The following FER1L5 variants were observed in gnomAD, a reference collection of about 807,000 sequenced individuals.
The protein encoded by FER1L5 is fer-1-like protein 5.
FER1L5 carries 187 observed loss-of-function variants against 279.9 expected under a neutral mutation model. The observed-to-expected ratio is 0.67, with a 90% CI of 0.59 to 0.75. The LOEUF is 0.75. Ranked by LOEUF, FER1L5 falls within the 30% of genes least tolerant of loss-of-function variation. The pLI, the probability that FER1L5 is intolerant of heterozygous loss-of-function variation, is 0.00. For synonymous variants in FER1L5, 921 were observed against 989.7 expected, an observed-to-expected ratio of 0.93 and a Z score of 1.30; for missense variants, 2,091 against 2,594.4, an observed-to-expected ratio of 0.81 and a Z score of 4.21.
intron 1 of FER1L5, among the ~76,000 whole-genome samples, chr2:96,643,390 C>T (rs1042538097): frequency 6.6e-6 from 1 of 152,120 alleles, no homozygotes; most frequent in Non-Finnish European, 1.5e-5. Flanking sequence ...CACTCTGTCA[C>T]CCAGGCTACA....
At position 96,701,836 on chromosome 2, in the gene FER1L5, C is replaced by T. The variant is rs2077596724; in HGVS notation, c.5071-119C>T. The T allele has an allele frequency of 6.9e-6, 6 of 868,338 alleles. No homozygotes were observed. In the Admixed American group the frequency reaches 9.4e-5, roughly 14 times the overall value. 53.8% of individuals were successfully genotyped at this position (868,338 alleles called of 1,614,324 possible). ...CCTCACAGATATCTCTGTACCCCACCCCTCGGTGTTGGGAACACAACCTCA... is the reference window on the plus strand; with the variant it reads ...CCTCACAGATATCTCTGTACCCCACTCCTCGGTGTTGGGAACACAACCTCA... On this transcript the variant is annotated intron_variant, in intron 45 of 52. Coordinates refer to ENST00000624922, the MANE Select transcript of FER1L5 (RefSeq NM_001293083.2).
Position 96,694,624 on chromosome 2 carries a change from G to GT in FER1L5, c.3741+162dup. 3 of 546,136 alleles carry GT rather than the reference G, an allele frequency of 5.5e-6. No homozygotes were observed. In the South Asian group the frequency reaches 1.1e-4, roughly 20 times the overall value. 33.8% of individuals were successfully genotyped at this position (546,136 alleles called of 1,614,324 possible). A position where few individuals can be genotyped will look rare whatever the true frequency, so the allele number is the denominator to read the frequency against. The stretch of plus-strand genomic sequence containing the variant: ...AGGGAGACAGGAGAGAAACGAAGAG[G>GT]TTCTGGTGTAACACTGGAAATCATT... On this transcript the variant is annotated intron_variant, in intron 34 of 52. Transcript: ENST00000624922. This position sits in a 1 kb window ranked among gnomAD's most constrained non-coding sequence, Gnocchi z 4.6.
intron 7 of FER1L5, 163 bp downstream of exon 7, chr2:96,652,183 T>A: frequency 1.0e-6 from 1 of 994,744 alleles, no homozygotes; most frequent in Non-Finnish European, 1.5e-6. Flanking sequence ...TACAGAACAG[T>A]ATAACTCAGA....
At chr2:96,678,420 T>C (rs545839394) in intron 19 of FER1L5, among the ~76,000 whole-genome samples, 87 of 150,414 alleles carry the variant, frequency 5.8e-4, no homozygotes, top group Middle Eastern at 3.4e-3. Flanking sequence ...TGTGAGCCAC[T>C]GCACTCAGCC....
rs2077061241 is a variant in FER1L5, at chr2:96,689,562, TG to T, written c.2526-79del. On this transcript the variant is annotated intron_variant, in intron 25 of 52. Coordinates refer to ENST00000624922, the MANE Select transcript of FER1L5 (RefSeq NM_001293083.2). The surrounding 1 kb of genome is among the most constrained non-coding windows in gnomAD (Gnocchi z 4.6). Reference sequence around the variant, plus strand: ...GCAGGTGGGGATGGGATGCCAGGTATGGGAACGCTTGGCCAGCAGAAGACGG... The same window carrying T: ...GCAGGTGGGGATGGGATGCCAGGTATGGAACGCTTGGCCAGCAGAAGACGG... The T allele has an allele frequency of 6.3e-6, 9 of 1,438,558 alleles. No individual in the cohort carries two copies. In the South Asian group the frequency reaches 9.8e-5, roughly 16 times the overall value. 89.1% of individuals were successfully genotyped at this position (1,438,558 alleles called of 1,614,324 possible).
At position 96,659,489 on chromosome 2, in the gene FER1L5, CTTTCTTTCTTTCTTTCTTTCG is replaced by C. The variant is rs1558855606; in HGVS notation, c.748-851_748-831del. Among the ~76,000 whole-genome samples the C allele has an allele frequency of 3.2e-4, 12 of 37,410 alleles. 1 individual carries two copies. Among genetic ancestry groups the C allele is most frequent in the African/African-American group, 2.8e-3 (12 of 4,212 alleles). The allele number at this position is 37,410 out of a possible 152,430, so 24.5% of individuals were successfully genotyped here. On this transcript the variant is annotated intron_variant, in intron 9 of 52. Transcript: ENST00000624922. ...TCTTTCTTTCTTTCTTTCTTTCTTT[CTTTCTTTCTTTCTTTCTTTCG>C]AGACAGAGTCTCGCTCTGTCGCCCA...
chr2:96,648,982 AGTGGGT>A (rs929738536), intron 4 of FER1L5, among the ~76,000 whole-genome samples: 6 of 131,560 alleles, frequency 4.6e-5, no homozygotes, highest in Non-Finnish European at 9.5e-5. Context: ...AGGGGCATAA[AGTGGGT>A]GGAGCAGGAG....
At chr2:96,679,671 A>G (rs1212533048) in intron 19 of FER1L5, among the ~76,000 whole-genome samples, 1 of 152,250 alleles carries the variant, frequency 6.6e-6, no homozygotes, top group African/African-American at 2.4e-5. Context: ...ATGTTAAAAT[A>G]CTTACTCTGT....
In FER1L5 at chr2:96,668,322, G is replaced by A. The variant is rs915542131; in HGVS notation, c.1141-429G>A. 1.1e-4 allele frequency among the ~76,000 whole-genome samples: 17 copies of A among 151,466 alleles called. 1 individual carries two copies. Among genetic ancestry groups the A allele is most frequent in the African/African-American group, 3.6e-4 (15 of 41,112 alleles). The stretch of plus-strand genomic sequence containing the variant: ...GAGGATTGCTTTTGCCCAGGAGTTC[G>A]AGACCAGCTTGGGCAACATAGTAAG... On this transcript the variant is annotated intron_variant, in intron 14 of 52. Coordinates refer to ENST00000624922, the MANE Select transcript of FER1L5 (RefSeq NM_001293083.2).
At chr2:96,671,227 G>A (rs1451783209) in intron 18 of FER1L5, among the ~76,000 whole-genome samples, 2 of 151,780 alleles carry the variant, frequency 1.3e-5, no homozygotes, top group Non-Finnish European at 2.9e-5. Flanking sequence ...TCTTCCTGAA[G>A]CCAGTGGAGG....
Position 96,661,381 on chromosome 2 carries a change from G to A in FER1L5, c.835G>A (p.Gly279Ser), listed in dbSNP as rs1399972831. The A allele has an allele frequency of 6.4e-7, 1 of 1,551,654 alleles. No homozygotes were observed. Among genetic ancestry groups the A allele is most frequent in the East Asian group, 2.4e-5 (1 of 40,920 alleles). ...GLCQPNNPGS[G>S]VTGYLKVTIY... Reference sequence around the variant, plus strand: ...CTGCCAGCCAAATAACCCTGGCAGTGGTGTGACAGGCTACCTGAAAGTCAC... The same window carrying A: ...CTGCCAGCCAAATAACCCTGGCAGTAGTGTGACAGGCTACCTGAAAGTCAC... Residue 279 changes from glycine to serine, a missense_variant, in exon 11 of 53, where the codon GGT becomes AGT. Transcript: ENST00000624922.
Position 96,696,049 on chromosome 2 carries a change from C to G in FER1L5, c.4058-3C>G. On this transcript the variant is annotated splice_region_variant and splice_polypyrimidine_tract_variant and intron_variant, in intron 36 of 52. Coordinates refer to ENST00000624922, the MANE Select transcript of FER1L5 (RefSeq NM_001293083.2). ...GACTCGTCCCTGCGCTCTCCCCGCA[C>G]AGCGCTGTCTGAGAAGAAGCACCAA... is the stretch of plus-strand genomic sequence containing the variant. 1 of 1,613,958 alleles carries G rather than the reference C, an allele frequency of 6.2e-7. No individual in the cohort carries two copies. The highest frequency in any genetic ancestry group is 8.5e-7 in the Non-Finnish European group (1 of 1,179,906).
chr2:96,662,217 A>G lies in FER1L5; in HGVS notation c.1021A>G (p.Lys341Glu). 1.3e-6 allele frequency: 2 copies of G among 1,551,592 alleles called. No homozygotes were observed. The highest frequency in any genetic ancestry group is 1.7e-6 in the Non-Finnish European group (2 of 1,146,934). The change falls in exon 13 of 53, where the codon AAA becomes GAA. Residue 341 changes from lysine (K) to glutamate (E), a missense_variant and splice_region_variant. Coordinates refer to ENST00000624922, the MANE Select transcript of FER1L5 (RefSeq NM_001293083.2). ...ATCTTTTAACTTGTTGTTCATAGAG[A>G]AACACCAGTCAGTGAATCCTCAGTT... ...IYCAEDLHLK[K>E]HQSVNPQLEV...
In FER1L5 at chr2:96,702,653, C is replaced by T. The variant is rs775859091; in HGVS notation, c.5309C>T (p.Ser1770Leu). The part of the protein sequence containing the change: ...DMQKTDIHYH[S>L]LTGEADFNWR... ...CAGAAGACAGACATCCACTACCACT[C>T]GCTGACTGGGGAGGCCGACTTCAAC... The change falls in exon 48 of 53, where the codon TCG becomes TTG. Residue 1770 changes from serine to leucine, a missense_variant. Transcript: ENST00000624922. The surrounding 1 kb of genome is among the most constrained non-coding windows in gnomAD (Gnocchi z 4.0). 4 of 1,605,994 alleles carry T rather than the reference C, an allele frequency of 2.5e-6. No individual in the cohort carries two copies. Among genetic ancestry groups the T allele is most frequent in the South Asian group, 1.1e-5 (1 of 89,518 alleles).
At position 96,661,769 on chromosome 2, in the gene FER1L5, C is replaced by T; in HGVS notation, c.996C>T (p.Tyr332=). 1.9e-6 allele frequency: 3 copies of T among 1,551,754 alleles called. No individual in the cohort carries two copies. The highest frequency in any genetic ancestry group is 2.6e-6 in the Non-Finnish European group (3 of 1,147,000). The change falls in exon 12 of 53, where the codon TAC becomes TAT. Residue 332 remains tyrosine, a synonymous_variant. Transcript: ENST00000624922. The part of the protein sequence containing the change: ...INMAYLQLFI[Y]CAEDLHLKKH... Reference sequence around the variant, plus strand: ...TGGCTTACTTACAGCTCTTCATCTACTGCGCAGAGGACCTTCACCTCAGTT... The same window carrying T: ...TGGCTTACTTACAGCTCTTCATCTATTGCGCAGAGGACCTTCACCTCAGTT...
chr2:96,671,714 T>C (rs2076335680), intron 18 of FER1L5, among the ~76,000 whole-genome samples: 1 of 152,112 alleles, frequency 6.6e-6, no homozygotes, highest in South Asian at 2.1e-4. Flanking sequence ...TGCCACAGTC[T>C]AAGAGGCAGG....
At chr2:96,688,081 A>C (rs1201823977) in intron 24 of FER1L5, 134 bp downstream of exon 24, 4 of 1,209,500 alleles carry the variant, frequency 3.3e-6, no homozygotes, top group Non-Finnish European at 4.6e-6. Flanking sequence ...GTAGCCCTGC[A>C]CTGAAGAGGA....
At chr2:96,672,209 T>C (rs1449986425) in intron 18 of FER1L5, among the ~76,000 whole-genome samples, 1 of 152,004 alleles carries the variant, frequency 6.6e-6, no homozygotes, top group African/African-American at 2.4e-5. Flanking sequence ...CTCCTGAGTA[T>C]CTGGGATTAT....
Position 96,663,429 on chromosome 2 carries a change from G to A in FER1L5, c.1072-10G>A, listed in dbSNP as rs1269097469. 6.4e-7 allele frequency: 1 copy of A among 1,551,550 alleles called. No individual in the cohort carries two copies. ...CAGGCTGGCACCAACACTGCTTTGG[G>A]ACATTCCAGCTCAGGACACACATGC... On this transcript the variant is annotated splice_polypyrimidine_tract_variant and intron_variant, in intron 13 of 52. Coordinates refer to ENST00000624922, the MANE Select transcript of FER1L5 (RefSeq NM_001293083.2).
Sources: allele counts gnomAD v4.1 joint callset (sites outside exome capture counted in the v4.1 genomes callset), GRCh38; gene constraint gnomAD v4.1.1; non-coding constraint Gnocchi (gnomAD v3.1); transcripts MANE v1.5; gene names NCBI Gene and HGNC (gene_info 2026-07-23, HGNC 2026-07-21).